Variants in FMN1 observed in about 807,000 individuals in gnomAD.
FMN1 encodes the protein formin 1, also known as formin-1.
A neutral mutation model predicts 132.4 loss-of-function variants in FMN1; 110 were observed. The ratio of observed to expected loss-of-function variants is 0.83; its 90% CI spans 0.71 to 0.97. The LOEUF (loss-of-function observed/expected upper bound fraction) is 0.97. Ranked by LOEUF, FMN1 falls within the 50% of genes least tolerant of loss-of-function variation. The probability of loss-of-function intolerance (pLI) is 0.00; values close to 1 mark genes in which losing one functional copy is unlikely to be tolerated. For synonymous variants in FMN1, 722 were observed against 651.7 expected, an observed-to-expected ratio of 1.11 and a Z score of -1.64; for missense variants, 1,792 against 1,705.3, an observed-to-expected ratio of 1.05 and a Z score of -0.90.
chr15:33,041,453 C>T (rs1274581777), intron 6 of FMN1, among the ~76,000 whole-genome samples: 4 of 123,094 alleles, frequency 3.2e-5, no homozygotes, highest in African/African-American at 6.2e-5. Context: ...AGCTTTCTTT[C>T]GACGTTCCTC....
intron 9 of FMN1, among the ~76,000 whole-genome samples, chr15:32,960,559 T>C (rs1316947058): frequency 6.6e-6 from 1 of 152,220 alleles, no homozygotes; most frequent in Non-Finnish European, 1.5e-5. Flanking sequence ...TATCCGTAAT[T>C]GAAGTCAGTG....
chr15:33,190,592 C>A (rs1176352677), intron 2 of FMN1, among the ~76,000 whole-genome samples: 2 of 152,118 alleles, frequency 1.3e-5, no homozygotes, highest in Admixed American at 6.5e-5. Context: ...GCAACTATGG[C>A]TAAAGGAGTG....
chr15:32,973,785 CA>C (rs1214415912), intron 7 of FMN1, among the ~76,000 whole-genome samples: 1 of 152,190 alleles, frequency 6.6e-6, no homozygotes, highest in Admixed American at 6.5e-5. Flanking sequence ...TGAAGCATCT[CA>C]AGTTCATGCA....
Position 33,121,166 on chromosome 15 carries a change from TCAA to T in FMN1, c.1867+31879_1867+31881del, listed in dbSNP as rs766853824. On this transcript the variant is annotated intron_variant, in intron 4 of 20. Transcript: ENST00000616417. ...AGTCTACTTTCTCCAAGGACTTAGATCAACAACAACAAAAAATTAAACTCTTGC... is the reference window on the plus strand; with the variant it reads ...AGTCTACTTTCTCCAAGGACTTAGATCAACAACAAAAAATTAAACTCTTGC... 1.1e-3 allele frequency among the ~76,000 whole-genome samples: 169 copies of T among 152,298 alleles called. 1 individual carries two copies. The highest frequency in any genetic ancestry group is 1.6e-3 in the Admixed American group (25 of 15,296).
intron 9 of FMN1, among the ~76,000 whole-genome samples, chr15:32,950,018 CATATATATATAT>C (rs369942861): frequency 0.025 from 94 of 3,780 alleles, no homozygotes; most frequent in South Asian, 0.06. Context: ...TATATATACA[CATATATATATAT>C]ATACACATAT....
intron 4 of FMN1, among the ~76,000 whole-genome samples, chr15:33,112,031 GA>G (rs1298332489): frequency 1.3e-5 from 2 of 152,080 alleles, no homozygotes; most frequent in African/African-American, 2.4e-5. Context: ...TAATTTTTTG[GA>G]AAGAACTGTA....
intron 17 of FMN1, among the ~76,000 whole-genome samples, chr15:32,843,436 A>G (rs573072395): frequency 1.4e-4 from 21 of 152,350 alleles, no homozygotes; most frequent in East Asian, 1.2e-3. Context: ...GAAAGCAACG[A>G]TCACGCACAT....
intron 4 of FMN1, among the ~76,000 whole-genome samples, chr15:33,095,222 C>A (rs1419507276): frequency 6.6e-6 from 1 of 151,942 alleles, no homozygotes; most frequent in African/African-American, 2.4e-5. Context: ...GTGGGTGGTG[C>A]CTGTAATCCC....
intron 5 of FMN1, chr15:33,068,117 C>A: frequency 9.4e-7 from 1 of 1,068,430 alleles, no homozygotes; most frequent in South Asian, 2.0e-5. Flanking sequence ...GAGTCTATGC[C>A]CAGAAGCAGC....
At chr15:32,958,602 G>A (rs918433248) in intron 9 of FMN1, among the ~76,000 whole-genome samples, 1 of 151,862 alleles carries the variant, frequency 6.6e-6, no homozygotes, top group African/African-American at 2.4e-5. Context: ...GCTTAAACAA[G>A]TGCCAGTGAT....
At chr15:33,187,945 C>G (rs1181602847) in intron 2 of FMN1, among the ~76,000 whole-genome samples, 2 of 152,224 alleles carry the variant, frequency 1.3e-5, no homozygotes, top group African/African-American at 4.8e-5. Context: ...TTGAGTAGTT[C>G]TGCTTCCTTG....
intron 9 of FMN1, among the ~76,000 whole-genome samples, chr15:32,935,673 G>A (rs1414667160): frequency 6.6e-6 from 1 of 151,674 alleles, no homozygotes; most frequent in East Asian, 1.9e-4. Flanking sequence ...TGTCACCCAG[G>A]CTGGAGTGCA....
chr15:32,993,912 T>TGG (rs61553799), intron 7 of FMN1, among the ~76,000 whole-genome samples: 3,443 of 87,004 alleles, frequency 0.04, 78 homozygotes, highest in Non-Finnish European at 0.05. Context: ...GGGGGCGGGG[T>TGG]GGGGGGGGTC....
At chr15:33,040,278 C>G (rs551782121) in intron 6 of FMN1, among the ~76,000 whole-genome samples, 74 of 152,324 alleles carry the variant, frequency 4.9e-4, no homozygotes, top group Admixed American at 3.5e-3. Context: ...TGACAGTCTC[C>G]TTTGTGTTCC....
intron 7 of FMN1, among the ~76,000 whole-genome samples, chr15:32,978,338 G>T (rs1450732225): frequency 6.6e-6 from 1 of 152,128 alleles, no homozygotes; most frequent in Non-Finnish European, 1.5e-5. Flanking sequence ...TGCATTTTAT[G>T]AAATAAAAGG....
chr15:32,908,255 G>C (rs2060474056), intron 12 of FMN1: 2 of 432,152 alleles, frequency 4.6e-6, no homozygotes, highest in Non-Finnish European at 8.4e-6. Flanking sequence ...AAAAGAAAGG[G>C]GAGTCTCTTG....
intron 6 of FMN1, among the ~76,000 whole-genome samples, chr15:33,013,580 C>CA (rs2034863131): frequency 6.6e-6 from 1 of 152,096 alleles, no homozygotes; most frequent in Admixed American, 6.5e-5. Flanking sequence ...TATCTTTATG[C>CA]ATATCTAACA....
In FMN1 at chr15:33,086,880, G is replaced by A. The variant is rs2038716589; in HGVS notation, c.2043+1919C>T. Reference sequence around the variant, plus strand: ...GAATGCTGTTCTAAAATGACATACAGTGACCATGGTTTTATGGTTATGAAA... The same window carrying A: ...GAATGCTGTTCTAAAATGACATACAATGACCATGGTTTTATGGTTATGAAA... On this transcript the variant is annotated intron_variant, in intron 5 of 20. Coordinates refer to ENST00000616417, the MANE Select transcript of FMN1 (RefSeq NM_001277313.2). 2.0e-5 allele frequency among the ~76,000 whole-genome samples: 3 copies of A among 152,332 alleles called. No individual in the cohort carries two copies. The East Asian group carries it at 5.8e-4, about 29-fold the overall frequency.
At chr15:32,976,154 AAGTC>A (rs1347744331) in intron 7 of FMN1, among the ~76,000 whole-genome samples, 2 of 152,130 alleles carry the variant, frequency 1.3e-5, no homozygotes, top group African/African-American at 2.4e-5. Flanking sequence ...TGTACAACTT[AAGTC>A]AGTCAGTCTT....
Sources: allele counts gnomAD v4.1 joint callset (sites outside exome capture counted in the v4.1 genomes callset), GRCh38; gene constraint gnomAD v4.1.1; transcripts MANE v1.5; gene names NCBI Gene and HGNC (gene_info 2026-07-23, HGNC 2026-07-21).